The following BLM variants were observed in gnomAD, a reference collection of about 807,000 sequenced individuals.
BLM encodes BLM RecQ like helicase.
In BLM, 95 loss-of-function variants were observed where a neutral mutation model predicts 135.3. That is an observed-to-expected ratio of 0.70 (90% CI 0.59 to 0.83). BLM has a LOEUF of 0.83. BLM is among the 40% of genes least tolerant of loss of function. BLM has a pLI of 0.00. For synonymous variants in BLM, 520 were observed against 589.2 expected (o/e 0.88, Z 1.70); for missense variants, 1,518 against 1,663.9 (o/e 0.91, Z 1.53).
At chr15:90,798,412 AG>A in intron 17 of BLM, 75 bp downstream of exon 17, 1 of 1,488,592 alleles carries the variant, frequency 6.7e-7, no homozygotes, top group Non-Finnish European at 9.2e-7. Flanking sequence ...ACAAGTACAT[AG>A]AAAAACTTTT....
At chr15:90,721,312 G>A (rs1894759197) in intron 1 of BLM, among the ~76,000 whole-genome samples, 1 of 151,930 alleles carries the variant, frequency 6.6e-6, no homozygotes, top group African/African-American at 2.4e-5. Context: ...TCTGTTATTT[G>A]TTGCTAATTT....
At position 90,808,336 on chromosome 15, in the gene BLM, A is replaced by G. The variant is rs746910047; in HGVS notation, c.3752-801A>G. Among the ~76,000 whole-genome samples, 5 of 152,224 alleles carry G rather than the reference A, an allele frequency of 3.3e-5. 1 individual carries two copies. Reference sequence around the variant, plus strand: ...GAAATCCACTCTTTGCTCAGCTCAAATACATAGGAATGGTTACTCCCTCAC... The same window carrying G: ...GAAATCCACTCTTTGCTCAGCTCAAGTACATAGGAATGGTTACTCCCTCAC... On this transcript the variant is annotated intron_variant, in intron 19 of 21. Coordinates refer to ENST00000355112, the MANE Select transcript of BLM (RefSeq NM_000057.4).
chr15:90,812,491 C>T (rs1178534238), intron 21 of BLM, among the ~76,000 whole-genome samples: 1 of 152,208 alleles, frequency 6.6e-6, no homozygotes, highest in Non-Finnish European at 1.5e-5. Context: ...TTGTTTCTGA[C>T]AGCCGCTTTT....
At chr15:90,743,325 A>G (rs991141465) in intron 1 of BLM, among the ~76,000 whole-genome samples, 1 of 152,160 alleles carries the variant, frequency 6.6e-6, no homozygotes, top group Non-Finnish European at 1.5e-5. Context: ...TCTTTCATAT[A>G]TGTAGGAGAA....
chr15:90,788,481 T>G (rs535809937), intron 14 of BLM, among the ~76,000 whole-genome samples: 23 of 150,256 alleles, frequency 1.5e-4, no homozygotes, highest in Admixed American at 4.0e-4. Flanking sequence ...GTTTTTTTTT[T>G]TTTTTTTTTT....
intron 1 of BLM, among the ~76,000 whole-genome samples, chr15:90,720,875 C>T (rs544491061): frequency 6.6e-6 from 1 of 152,208 alleles, no homozygotes; most frequent in East Asian, 1.9e-4. Flanking sequence ...GAGCCCACCG[C>T]ACCTGGCCTG....
At chr15:90,739,850 C>T (rs1454326653) in intron 1 of BLM, among the ~76,000 whole-genome samples, 1 of 152,108 alleles carries the variant, frequency 6.6e-6, no homozygotes, top group Non-Finnish European at 1.5e-5. Context: ...ACTGCAGCCT[C>T]GACTTCCTGG....
At chr15:90,805,732 T>C (rs960494241) in intron 19 of BLM, among the ~76,000 whole-genome samples, 2 of 151,374 alleles carry the variant, frequency 1.3e-5, no homozygotes, top group Admixed American at 1.3e-4. Flanking sequence ...GGTTTCACCA[T>C]GTTGGCCAGG....
chr15:90,780,232 G>A (rs1007890065), intron 12 of BLM, among the ~76,000 whole-genome samples: 6 of 151,980 alleles, frequency 3.9e-5, no homozygotes, highest in Admixed American at 1.3e-4. Context: ...TTACAGGCAC[G>A]TGCCACCATG....
rs746409922 is a variant in BLM at position 90,769,485 on chromosome 15, C to A, written c.2454C>A (p.Arg818=). ...ATTACAAAAGAATGAATATGCTTCG[C>A]CAGAAGTTTCCTTCTGTTCCGGTGA... ...RQDYKRMNML[R]QKFPSVPVMA... Residue 818 remains arginine, a synonymous_variant, in exon 12 of 22, where the codon CGC becomes CGA. Coordinates refer to ENST00000355112, the MANE Select transcript of BLM (RefSeq NM_000057.4). 8.7e-6 allele frequency: 14 copies of A among 1,614,022 alleles called. No homozygotes were observed. Among genetic ancestry groups the A allele is most frequent in the Non-Finnish European group, 1.2e-5 (14 of 1,179,936 alleles).
In BLM at chr15:90,726,829, C is replaced by T. The variant is rs920420772; in HGVS notation, c.-5+9389C>T. Among the ~76,000 whole-genome samples the T allele has an allele frequency of 5.7e-4, 86 of 152,182 alleles. 1 individual carries two copies. Among genetic ancestry groups the T allele is most frequent in the Admixed American group, 4.0e-3 (61 of 15,274 alleles). On this transcript the variant is annotated intron_variant, in intron 1 of 21. Coordinates refer to ENST00000355112, the MANE Select transcript of BLM (RefSeq NM_000057.4). ...TACTATAATTTTTTTATTCATTCATCGCTTGTTGAACACCTTGGTTGATTC... is the reference window on the plus strand; with the variant it reads ...TACTATAATTTTTTTATTCATTCATTGCTTGTTGAACACCTTGGTTGATTC...
At chr15:90,771,427 C>T (rs1282044950) in intron 12 of BLM, among the ~76,000 whole-genome samples, 1 of 151,968 alleles carries the variant, frequency 6.6e-6, no homozygotes, top group East Asian at 1.9e-4. Context: ...GCGGAGGTTG[C>T]AGTGAGCCAA....
chr15:90,782,330 G>A (rs1430784786), intron 12 of BLM, among the ~76,000 whole-genome samples: 1 of 152,166 alleles, frequency 6.6e-6, no homozygotes, highest in Non-Finnish European at 1.5e-5. Flanking sequence ...AGAGGTTGTA[G>A]TGAGCCAAGA....
intron 3 of BLM, 99 bp from the exon 4 acceptor site, chr15:90,751,688 G>A: frequency 1.0e-6 from 1 of 991,652 alleles, no homozygotes; most frequent in Non-Finnish European, 1.6e-6. Context: ...GTGATTGTTT[G>A]TGACTTGCCA....
chr15:90,722,606 A>G (rs898939491), intron 1 of BLM, among the ~76,000 whole-genome samples: 2 of 152,134 alleles, frequency 1.3e-5, no homozygotes, highest in Admixed American at 6.5e-5. Flanking sequence ...AAAATAAAAT[A>G]ATTTAAAAAA....
rs1231870457 is a variant in BLM at position 90,725,498 on chromosome 15, CT to C, written c.-5+8071del. ...GGCTATTTCCTCTTTTTTACAGTCC[CT>C]TTTTTTTTTTTTGAGGCGGAGTCTC... is the stretch of plus-strand genomic sequence containing the variant. On this transcript the variant is annotated intron_variant, in intron 1 of 21. Coordinates refer to ENST00000355112, the MANE Select transcript of BLM (RefSeq NM_000057.4). Among the ~76,000 whole-genome samples, 257 of 142,068 alleles carry C rather than the reference CT, an allele frequency of 1.8e-3. 1 individual carries two copies. The highest frequency in any genetic ancestry group is 3.7e-3 in the Middle Eastern group (1 of 272). The allele number at this position is 142,068 out of a possible 152,430, so 93.2% of individuals were successfully genotyped here.
intron 1 of BLM, among the ~76,000 whole-genome samples, chr15:90,729,356 ATTATC>A (rs1895005240): frequency 1.3e-5 from 2 of 152,168 alleles, no homozygotes; most frequent in African/African-American, 2.4e-5. Flanking sequence ...ACATAGATTT[ATTATC>A]TTATAGTTCT....
At chr15:90,734,805 TATAGAG>T (rs931510616) in intron 1 of BLM, among the ~76,000 whole-genome samples, 16 of 151,670 alleles carry the variant, frequency 1.1e-4, no homozygotes, top group Admixed American at 9.9e-4. Context: ...TTGAGAAAAA[TATAGAG>T]ATACTCACCA....
rs1476854295 is a variant in BLM at position 90,769,508 on chromosome 15, T to G, written c.2477T>G (p.Val826Gly). The stretch of plus-strand genomic sequence containing the variant: ...CGCCAGAAGTTTCCTTCTGTTCCGG[T>G]GATGGCTCTTACGGCCACAGCTAAT... ...MLRQKFPSVP[V>G]MALTATANPR... Residue 826 changes from valine to glycine, a missense_variant, in exon 12 of 22, where the codon GTG (valine) becomes GGG (glycine). By Grantham distance (109) the Val-to-Gly change is moderately radical (BLOSUM62 -3). This residue lies in a region of BLM where 626 missense variants were observed against 681.1 expected (regional missense o/e 0.92). Transcript: ENST00000355112. The G allele has an allele frequency of 6.2e-7, 1 of 1,613,934 alleles. No homozygotes were observed. Among genetic ancestry groups the G allele is most frequent in the South Asian group, 1.1e-5 (1 of 91,068 alleles).
Sources: allele counts gnomAD v4.1 joint callset (sites outside exome capture counted in the v4.1 genomes callset), GRCh38; gene constraint gnomAD v4.1.1; regional missense constraint gnomAD v4.1.1; transcripts MANE v1.5; gene names NCBI Gene and HGNC (gene_info 2026-07-23, HGNC 2026-07-21).